MARK1: variants seen among roughly 807,000 people sequenced by gnomAD.
MARK1 encodes the protein serine/threonine-protein kinase MARK1.
Under a neutral mutation model 96.3 loss-of-function variants are expected in MARK1, and 40 were observed. The observed-to-expected ratio is 0.42, with a 90% CI of 0.32 to 0.54. The LOEUF (loss-of-function observed/expected upper bound fraction) is 0.54. MARK1 is among the 20% of genes least tolerant of loss of function. The pLI, the probability that MARK1 is intolerant of heterozygous loss-of-function variation, is 0.16. For synonymous variants in MARK1, 317 were observed against 341.2 expected (o/e 0.93, Z 0.78); for missense variants, 719 against 984.6 (o/e 0.73, Z 3.61).
At chr1:220,558,779 A>T (rs1350666643) in intron 1 of MARK1, among the ~76,000 whole-genome samples, 1 of 152,106 alleles carries the variant, frequency 6.6e-6, no homozygotes, top group African/African-American at 2.4e-5. Flanking sequence ...CTATAGAAAT[A>T]AGAATAAGCA....
intron 3 of MARK1, among the ~76,000 whole-genome samples, chr1:220,586,009 A>ACT (rs66540247): frequency 6.2e-5 from 8 of 129,632 alleles, no homozygotes; most frequent in African/African-American, 2.3e-4. Flanking sequence ...ACACACACAC[A>ACT]CACGCGCGCG....
rs1328174645 is a variant in MARK1, at chr1:220,662,116, A to G, written c.2338A>G (p.Ile780Val). 1 of 1,614,060 alleles carries G rather than the reference A, an allele frequency of 6.2e-7. No homozygotes were observed. ...VRFKRISGTS[I>V]AFKNIASKIA... is the part of the protein sequence containing the mutation. ...CTTCAAGCGAATATCTGGGACATCT[A>G]TTGCCTTTAAGAACATTGCATCAAA... Residue 780 changes from isoleucine (I) to valine (V), a missense_variant, in exon 18 of 18, where the codon ATT becomes GTT. Coordinates refer to ENST00000366917, the MANE Select transcript of MARK1 (RefSeq NM_018650.5).
intron 9 of MARK1, chr1:220,627,503 A>C (rs765475957): frequency 7.6e-6 from 3 of 396,332 alleles, no homozygotes; most frequent in Non-Finnish European, 1.5e-5. Flanking sequence ...CTCCACCAAC[A>C]CCTCAGATTT....
chr1:220,608,490 C>A (rs541018220), intron 6 of MARK1, among the ~76,000 whole-genome samples: 1 of 152,002 alleles, frequency 6.6e-6, no homozygotes, highest in Non-Finnish European at 1.5e-5. Flanking sequence ...TTTTGTTGAT[C>A]TTTTCAAAAA....
At chr1:220,529,062 T>C (rs989202169) in intron 1 of MARK1, among the ~76,000 whole-genome samples, 189 bp downstream of exon 1, 3 of 152,172 alleles carry the variant, frequency 2.0e-5, no homozygotes, top group African/African-American at 7.2e-5. Context: ...TTCGCTTGTT[T>C]CCCCTCAAGG....
chr1:220,528,749 T>G lies in MARK1; in HGVS notation c.-74T>G. 2 of 1,434,990 alleles carry G rather than the reference T, an allele frequency of 1.4e-6. No individual in the cohort carries two copies. The highest frequency in any genetic ancestry group is 1.9e-6 in the Non-Finnish European group (2 of 1,055,798). The allele number at this position is 1,434,990 out of a possible 1,614,324, so 88.9% of individuals were successfully genotyped here. On this transcript the variant is annotated 5_prime_UTR_variant, in exon 1 of 18. Transcript: ENST00000366917. ...GCCTTGTGCTCGCGTCCGCACCCCT[T>G]TCCTGTCGCCCCCCGGGGCCCGCAC...
chr1:220,586,236 CCT>C (rs1186547149), intron 3 of MARK1, among the ~76,000 whole-genome samples: 1 of 152,126 alleles, frequency 6.6e-6, no homozygotes, highest in Non-Finnish European at 1.5e-5. Context: ...TCTTCACTCT[CCT>C]CTTCCCCGAC....
intron 1 of MARK1, among the ~76,000 whole-genome samples, chr1:220,563,037 C>T (rs1382016093): frequency 3.3e-5 from 5 of 152,160 alleles, no homozygotes; most frequent in African/African-American, 9.7e-5. Context: ...AGGTGCTGAA[C>T]TAAGACACAG....
At chr1:220,545,307 T>C (rs1661404673) in intron 1 of MARK1, among the ~76,000 whole-genome samples, 1 of 152,212 alleles carries the variant, frequency 6.6e-6, no homozygotes, top group Non-Finnish European at 1.5e-5. Flanking sequence ...GAACCAGTCC[T>C]GGAGGCCGCA....
intron 1 of MARK1, 22 bp downstream of exon 1, chr1:220,528,895 C>A (rs368999322): frequency 1.3e-6 from 2 of 1,555,844 alleles, no homozygotes; most frequent in African/African-American, 2.8e-5. Flanking sequence ...GAGCCTCCCT[C>A]GGGAGCAGTG....
intron 9 of MARK1, chr1:220,626,697 C>G: frequency 5.9e-6 from 2 of 340,742 alleles, no homozygotes; most frequent in South Asian, 5.1e-5. Context: ...TGGTGCACTT[C>G]TGTAATCCCA....
At chr1:220,602,420 C>T (rs1001999097) in intron 5 of MARK1, among the ~76,000 whole-genome samples, 2 of 152,134 alleles carry the variant, frequency 1.3e-5, no homozygotes, top group Non-Finnish European at 2.9e-5. Context: ...AGTCCCTACC[C>T]TCAAGACACT....
chr1:220,627,193 G>A (rs954508820), intron 9 of MARK1: 11 of 476,156 alleles, frequency 2.3e-5, no homozygotes, highest in Admixed American at 1.7e-4. Flanking sequence ...CGATGAGAGC[G>A]AAGAAGACCC....
chr1:220,593,686 G>C (rs1665140137), intron 3 of MARK1, among the ~76,000 whole-genome samples: 1 of 152,142 alleles, frequency 6.6e-6, no homozygotes, highest in Non-Finnish European at 1.5e-5. Flanking sequence ...AGGGAGGTGA[G>C]TCTGGGGCGG....
chr1:220,594,423 G>A (rs986671571), intron 3 of MARK1, among the ~76,000 whole-genome samples: 2 of 152,170 alleles, frequency 1.3e-5, no homozygotes, highest in Non-Finnish European at 2.9e-5. Context: ...GTTGCTGGCG[G>A]AAATGCAAAT....
rs571832887 is a variant in MARK1 at position 220,612,729 on chromosome 1, AC to A, written c.496-3209del. On this transcript the variant is annotated intron_variant, in intron 6 of 17. Transcript: ENST00000366917. Reference sequence around the variant, plus strand: ...AAACTCTTATGGACTTAATGAATATACATTTACTTTTATTTGCTTTTTTATT... The same window carrying A: ...AAACTCTTATGGACTTAATGAATATAATTTACTTTTATTTGCTTTTTTATT... Among the ~76,000 whole-genome samples the A allele has an allele frequency of 1.8e-3, 270 of 152,280 alleles. 1 individual carries two copies. The highest frequency in any genetic ancestry group is 6.1e-3 in the African/African-American group (254 of 41,564).
In MARK1 at chr1:220,586,009, A is replaced by ACACACACACACG. The variant is rs1553322887; in HGVS notation, c.309+4894_309+4895insACACACACGCAC. Reference sequence around the variant, plus strand: ...TACACACACACACACACACACACACACACGCGCGCGTGCGCAGAGAGAGAG... The same window carrying ACACACACACACG: ...TACACACACACACACACACACACACACACACACACACGCACGCGCGCGTGCGCAGAGAGAGAG... On this transcript the variant is annotated intron_variant, in intron 3 of 17. Coordinates refer to ENST00000366917, the MANE Select transcript of MARK1 (RefSeq NM_018650.5). 1.1e-4 allele frequency among the ~76,000 whole-genome samples: 14 copies of ACACACACACACG among 129,726 alleles called. No homozygotes were observed. The South Asian group carries it at 2.3e-3, about 21-fold the overall frequency. 85.1% of individuals were successfully genotyped at this position (129,726 alleles called of 152,430 possible).
intron 13 of MARK1, among the ~76,000 whole-genome samples, chr1:220,646,999 G>A (rs1668612846): frequency 6.6e-6 from 1 of 152,168 alleles, no homozygotes; most frequent in Non-Finnish European, 1.5e-5. Context: ...CATGGGCAAA[G>A]ATTGTATGAT....
intron 13 of MARK1, among the ~76,000 whole-genome samples, chr1:220,643,411 C>T (rs571557786): frequency 6.0e-4 from 91 of 152,112 alleles, no homozygotes; most frequent in African/African-American, 1.9e-3. Flanking sequence ...AATGAATGAA[C>T]GAAACCTCCA....
Sources: gnomAD v4.1 joint callset for allele counts (sites outside exome capture counted in the v4.1 genomes callset) on GRCh38, gnomAD v4.1.1 for gene constraint, MANE v1.5 for transcripts, NCBI Gene and HGNC (gene_info 2026-07-23, HGNC 2026-07-21) for gene names.